The following ERAP2 variants were observed in gnomAD, a reference collection of about 807,000 sequenced individuals.
ERAP2 encodes the protein leukocyte-derived arginine aminopeptidase.
ERAP2 carries 118 observed loss-of-function variants against 111.1 expected under a neutral mutation model. That is an observed-to-expected ratio of 1.06 (90% CI 0.92 to 1.24). The LOEUF (loss-of-function observed/expected upper bound fraction) is 1.24, where lower values mean the gene tolerates loss of function less well. ERAP2 is among the 50% of genes most tolerant of loss of function. ERAP2 has a pLI of 0.00. For missense variants in ERAP2, 1,131 were observed against 1,125.8 expected, an observed-to-expected ratio of 1.00 and a Z score of -0.07; for synonymous variants, 410 against 401.2, an observed-to-expected ratio of 1.02 and a Z score of -0.26.
chr5:96,883,799 G>T lies in ERAP2; in HGVS notation c.583G>T (p.Ala195Ser), dbSNP rs919861748. The change falls in exon 3 of 19, where the codon GCA becomes TCA. Residue 195 changes from alanine (A) to serine (S), a missense_variant. Coordinates refer to ENST00000437043, the MANE Select transcript of ERAP2 (RefSeq NM_022350.5). ...RTLGGETRILAVTDFEPTQAR... is the reference protein window; with the variant it reads ...RTLGGETRILSVTDFEPTQAR... ...GGGTGGGTCTTTTCACAGAATTCTT[G>T]CAGTAACAGATTTTGAGCCAACCCA... The T allele has an allele frequency of 1.9e-6, 3 of 1,610,032 alleles. No individual in the cohort carries two copies. In the Admixed American group the frequency reaches 5.1e-5, roughly 27 times the overall value.
intron 1 of ERAP2, among the ~76,000 whole-genome samples, chr5:96,877,731 AT>A (rs36182209): frequency 6.6e-6 from 1 of 151,860 alleles, no homozygotes; most frequent in African/African-American, 2.4e-5. Flanking sequence ...AAGCCACTCC[AT>A]TTTTTTTAAA....
rs1171236999 is a variant in ERAP2 at position 96,901,620 on chromosome 5, C to T, written c.1687C>T (p.Gln563Ter). Residue 563 changes from glutamine (Q) to a stop codon, truncating the protein, a stop_gained, in exon 11 of 19, where the codon CAG (glutamine) becomes TAG (stop). Coordinates refer to ENST00000437043, the MANE Select transcript of ERAP2 (RefSeq NM_022350.5). LOFTEE classifies it high-confidence loss of function. ...KQDGCSLRLQQERFLQGVFQE... is the reference protein window; with the variant it reads ...KQDGCSLRLQ Reference sequence around the variant, plus strand: ...AGACGGGTGTTCACTCCGACTGCAACAGGAGCGCTTCCTCCAGGGGGTTTT... The same window carrying T: ...AGACGGGTGTTCACTCCGACTGCAATAGGAGCGCTTCCTCCAGGGGGTTTT... 6.2e-7 allele frequency: 1 copy of T among 1,614,022 alleles called. No homozygotes were observed. The highest frequency in any genetic ancestry group is 2.2e-5 in the East Asian group (1 of 44,902).
intron 1 of ERAP2, among the ~76,000 whole-genome samples, chr5:96,879,201 G>A (rs889031115): frequency 2.0e-5 from 3 of 152,158 alleles, no homozygotes; most frequent in Non-Finnish European, 4.4e-5. Flanking sequence ...TCCTGCCTGG[G>A]CAACAGAGCA....
In ERAP2 at chr5:96,896,894, T is replaced by C. The variant is rs372903373; in HGVS notation, c.1503+31T>C. ...TCATATGTTGGGTAACGATAGACTG[T>C]TATTTAATCTAGAAAGTAACAGAAT... is the stretch of plus-strand genomic sequence containing the variant. On this transcript the variant is annotated intron_variant, in intron 9 of 18. Coordinates refer to ENST00000437043, the MANE Select transcript of ERAP2 (RefSeq NM_022350.5). 18 of 1,535,526 alleles carry C rather than the reference T, an allele frequency of 1.2e-5. No individual in the cohort carries two copies. In the African/African-American group the frequency reaches 2.1e-4, roughly 18 times the overall value.
chr5:96,899,069 G>A (rs1785165705), intron 9 of ERAP2, among the ~76,000 whole-genome samples: 1 of 152,140 alleles, frequency 6.6e-6, no homozygotes, highest in Non-Finnish European at 1.5e-5. Context: ...TAGGCCAGCA[G>A]TGTAAATTCC....
At position 96,909,574 on chromosome 5, in the gene ERAP2, C is replaced by T. The variant is rs536868932; in HGVS notation, c.2170-6C>T. On this transcript the variant is annotated splice_polypyrimidine_tract_variant and splice_region_variant and intron_variant, in intron 14 of 18. Transcript: ENST00000437043. ...CTCTCTGTTAACCATCTCATATTTT[C>T]TGCAGCGTTACCTTCTTCAGTATTT... is the stretch of plus-strand genomic sequence containing the variant. 9 of 1,611,832 alleles carry T rather than the reference C, an allele frequency of 5.6e-6. No homozygotes were observed. Among genetic ancestry groups the T allele is most frequent in the Non-Finnish European group, 7.6e-6 (9 of 1,177,976 alleles).
At chr5:96,888,338 G>A (rs1443927850) in intron 4 of ERAP2, among the ~76,000 whole-genome samples, 1 of 152,294 alleles carries the variant, frequency 6.6e-6, no homozygotes, top group African/African-American at 2.4e-5. Context: ...TCAGAGGACA[G>A]GTTCCTGTCA....
rs556384971 is a variant in ERAP2 at position 96,879,382 on chromosome 5, A to G, written c.-122-182A>G. ...GTAGGGTTTTTTGGGGGAGTCCTAA[A>G]GGGTTTTTATTTGTAATAACCAGAT... is the stretch of plus-strand genomic sequence containing the variant. On this transcript the variant is annotated intron_variant, in intron 1 of 18. Coordinates refer to ENST00000437043, the MANE Select transcript of ERAP2 (RefSeq NM_022350.5). Among the ~76,000 whole-genome samples, 82 of 152,320 alleles carry G rather than the reference A, an allele frequency of 5.4e-4. No homozygotes were observed. In the South Asian group the frequency reaches 0.016, roughly 30 times the overall value.
At chr5:96,879,002 G>A (rs796679347) in intron 1 of ERAP2, among the ~76,000 whole-genome samples, 1 of 152,150 alleles carries the variant, frequency 6.6e-6, no homozygotes, top group Non-Finnish European at 1.5e-5. Flanking sequence ...CAGTTTGGGA[G>A]GATTGCTTGA....
chr5:96,881,776 G>T (rs1044928902), intron 2 of ERAP2, among the ~76,000 whole-genome samples: 1 of 152,062 alleles, frequency 6.6e-6, no homozygotes, highest in Admixed American at 6.6e-5. Flanking sequence ...GGGGGACACG[G>T]GGGAGAGATA....
In ERAP2 at chr5:96,892,540, C is replaced by A. The variant is rs997662533; in HGVS notation, c.1125+87C>A. On this transcript the variant is annotated intron_variant, in intron 6 of 18. Coordinates refer to ENST00000437043, the MANE Select transcript of ERAP2 (RefSeq NM_022350.5). ...CCAATCTTCCTGAAACAAAATAAAT[C>A]ATCTCATTTACCTCTAGAGGGGAAC... The A allele has an allele frequency of 4.2e-5, 63 of 1,493,232 alleles. No homozygotes were observed. In the African/African-American group the frequency reaches 7.8e-4, roughly 18 times the overall value. 92.5% of individuals were successfully genotyped at this position (1,493,232 alleles called of 1,614,324 possible). A position where few individuals can be genotyped will look rare whatever the true frequency, so the allele number is the denominator to read the frequency against.
Position 96,886,794 on chromosome 5 carries a change from G to C in ERAP2, c.849+5G>C. On this transcript the variant is annotated splice_donor_5th_base_variant and intron_variant, in intron 4 of 18. Transcript: ENST00000437043. ...TTCACTTCATCAGGGGTCAAGGTGA[G>C]ACTGAGTTCTAACGTTCTACGCAGT... The C allele has an allele frequency of 6.7e-7, 1 of 1,485,764 alleles. No individual in the cohort carries two copies. Among genetic ancestry groups the C allele is most frequent in the Non-Finnish European group, 9.1e-7 (1 of 1,096,824 alleles). 92.0% of individuals were successfully genotyped at this position (1,485,764 alleles called of 1,614,324 possible).
intron 2 of ERAP2, chr5:96,880,829 C>T (rs1163788467): frequency 6.3e-6 from 1 of 159,532 alleles, no homozygotes; most frequent in Non-Finnish European, 1.4e-5. Flanking sequence ...GAAGAGACAA[C>T]CAGGACAAGA....
chr5:96,903,622 C>CTTCAATGTTGAACA, intron 13 of ERAP2, 62 bp downstream of exon 13: 2 of 1,415,856 alleles, frequency 1.4e-6, no homozygotes, highest in Non-Finnish European at 1.9e-6. Flanking sequence ...ATATGCTAGA[C>CTTCAATGTTGAACA]TTCAATATTG....
intron 9 of ERAP2, among the ~76,000 whole-genome samples, chr5:96,897,476 T>A (rs2151164477): frequency 6.6e-6 from 1 of 152,340 alleles, no homozygotes; most frequent in South Asian, 2.1e-4. Context: ...CACATAATAG[T>A]ACCCTCTTTT....
chr5:96,907,167 A>G (rs1229942304), intron 13 of ERAP2, among the ~76,000 whole-genome samples: 1 of 152,232 alleles, frequency 6.6e-6, no homozygotes, highest in African/African-American at 2.4e-5. Flanking sequence ...GCTAAGGTTT[A>G]TGTTTATATA....
intron 5 of ERAP2, 43 bp from the exon 6 acceptor site, chr5:96,892,256 G>T (rs1784460693): frequency 1.2e-6 from 2 of 1,602,716 alleles, no homozygotes; most frequent in Non-Finnish European, 1.7e-6. Flanking sequence ...TATTTCTGGT[G>T]TGGGAGCCAT....
chr5:96,900,018 T>G (rs1317956046), intron 9 of ERAP2, 103 bp from the exon 10 acceptor site: 1 of 1,335,250 alleles, frequency 7.5e-7, no homozygotes, highest in East Asian at 2.3e-5. Flanking sequence ...GATGAATTAT[T>G]TCATATAGCT....
intron 9 of ERAP2, among the ~76,000 whole-genome samples, chr5:96,897,166 T>C (rs570539127): frequency 1.4e-3 from 206 of 152,312 alleles, no homozygotes; most frequent in Middle Eastern, 3.4e-3. Flanking sequence ...ATTTCTACCA[T>C]ATAACACCTA....
Sources: gnomAD v4.1 joint callset for allele counts (sites outside exome capture counted in the v4.1 genomes callset) on GRCh38, gnomAD v4.1.1 for gene constraint, MANE v1.5 for transcripts, NCBI Gene and HGNC (gene_info 2026-07-23, HGNC 2026-07-21) for gene names.